Variants in MAML3 observed in about 807,000 individuals in gnomAD.
MAML3 encodes mastermind like transcriptional coactivator 3, also known as mastermind-like protein 3.
Under a neutral mutation model 101.9 loss-of-function variants are expected in MAML3, and 27 were observed. That is an observed-to-expected ratio of 0.27 (90% confidence interval 0.20 to 0.37). The LOEUF is 0.37. MAML3 is among the 10% of genes least tolerant of loss of function. MAML3 has a pLI of 1.00. For synonymous variants in MAML3, 501 were observed against 555.9 expected, an observed-to-expected ratio of 0.90 and a Z score of 1.39; for missense variants, 1,316 against 1,444.9, an observed-to-expected ratio of 0.91 and a Z score of 1.45.
chr4:139,793,985 T>C (rs1181468684), intron 2 of MAML3: 1 of 152,184 alleles, frequency 6.6e-6, no homozygotes, highest in Non-Finnish European at 1.5e-5. Context: ...CCAGAACTCA[T>C]TGTCAGGAAG....
At chr4:139,828,438 CAGAG>C (rs1202609271) in intron 2 of MAML3, among the ~76,000 whole-genome samples, 1 of 152,198 alleles carries the variant, frequency 6.6e-6, no homozygotes, top group African/African-American at 2.4e-5. Flanking sequence ...TCCCTTTAGA[CAGAG>C]AGAGCTAAGT....
At chr4:140,101,489 A>C (rs1040923598) in intron 1 of MAML3, among the ~76,000 whole-genome samples, 19 of 152,210 alleles carry the variant, frequency 1.2e-4, no homozygotes, top group Admixed American at 1.2e-3. Flanking sequence ...TCTATCTGTC[A>C]ACAGATATTG....
intron 2 of MAML3, among the ~76,000 whole-genome samples, chr4:139,885,143 G>A (rs2111191557): frequency 6.6e-6 from 1 of 152,310 alleles, no homozygotes; most frequent in South Asian, 2.1e-4. Context: ...GCTCACGCCT[G>A]TAATCCCAGC....
At chr4:139,855,077 C>T (rs1045833382) in intron 2 of MAML3, among the ~76,000 whole-genome samples, 2 of 152,214 alleles carry the variant, frequency 1.3e-5, no homozygotes, top group African/African-American at 2.4e-5. Flanking sequence ...GGTGGCTCTG[C>T]ATCTTCGGCT....
intron 1 of MAML3, among the ~76,000 whole-genome samples, chr4:140,101,349 C>T (rs907484126): frequency 3.3e-5 from 5 of 152,104 alleles, no homozygotes; most frequent in African/African-American, 9.7e-5. Flanking sequence ...GAATAGAGCT[C>T]CCAAGTCACT....
rs140847228 is a variant in MAML3 at position 140,086,783 on chromosome 4, G to A, written c.468+66077C>T. Among the ~76,000 whole-genome samples, 996 of 152,214 alleles carry A rather than the reference G, an allele frequency of 6.5e-3. 9 individuals carry two copies. Among genetic ancestry groups the A allele is most frequent in the Non-Finnish European group, 8.2e-3 (558 of 68,002 alleles). On this transcript the variant is annotated intron_variant, in intron 1 of 4. Coordinates refer to ENST00000509479, the MANE Select transcript of MAML3 (RefSeq NM_018717.5). Reference sequence around the variant, plus strand: ...AAATTTTCTTTGTTTCTAACCTGTCGTAGGAGTAGAGAAAAAAAAGAGAGA... The same window carrying A: ...AAATTTTCTTTGTTTCTAACCTGTCATAGGAGTAGAGAAAAAAAAGAGAGA...
rs559379701 is a variant in MAML3, at chr4:139,849,196, T to C, written c.2079+40161A>G. On this transcript the variant is annotated intron_variant, in intron 2 of 4. Coordinates refer to ENST00000509479, the MANE Select transcript of MAML3 (RefSeq NM_018717.5). ...TGATCATAGAAAAGGGGAAAAATAA[T>C]GAACAAACATAGGTATTATAGAGAG... is the stretch of plus-strand genomic sequence containing the variant. 2.0e-5 allele frequency among the ~76,000 whole-genome samples: 3 copies of C among 152,286 alleles called. No homozygotes were observed. In the South Asian group the frequency reaches 6.2e-4, roughly 32 times the overall value.
intron 1 of MAML3, among the ~76,000 whole-genome samples, chr4:140,058,541 AATT>A (rs1727391282): frequency 6.8e-6 from 1 of 146,048 alleles, no homozygotes; most frequent in Non-Finnish European, 1.5e-5. Context: ...TATATAATAA[AATT>A]ATATTGTTAG....
At chr4:139,888,130 A>G (rs1732378905) in intron 2 of MAML3, among the ~76,000 whole-genome samples, 1 of 151,884 alleles carries the variant, frequency 6.6e-6, no homozygotes, top group East Asian at 1.9e-4. Context: ...CTGTCTCTGC[A>G]GGCCAGCACC....
At chr4:140,021,155 G>A (rs1369974224) in intron 1 of MAML3, among the ~76,000 whole-genome samples, 2 of 152,180 alleles carry the variant, frequency 1.3e-5, no homozygotes, top group African/African-American at 4.8e-5. Context: ...TGTACCTGCT[G>A]GGACTTACAA....
intron 1 of MAML3, among the ~76,000 whole-genome samples, chr4:139,938,996 C>T (rs1006061480): frequency 2.0e-5 from 3 of 152,260 alleles, no homozygotes; most frequent in African/African-American, 7.2e-5. Context: ...TCCTTCCCCG[C>T]TCTGCGCACT....
intron 2 of MAML3, among the ~76,000 whole-genome samples, chr4:139,803,028 C>T (rs140564148): frequency 1.3e-5 from 2 of 152,232 alleles, no homozygotes; most frequent in African/African-American, 4.8e-5. Flanking sequence ...AAATGTTACC[C>T]CCTCCAATAT....
intron 1 of MAML3, among the ~76,000 whole-genome samples, chr4:140,151,680 C>A (rs928770864): frequency 1.7e-4 from 13 of 75,572 alleles, no homozygotes; most frequent in African/African-American, 5.6e-4. Flanking sequence ...AGCACCCGGG[C>A]GGCGCGGTGC....
At chr4:140,146,894 G>C (rs1729073068) in intron 1 of MAML3, among the ~76,000 whole-genome samples, 1 of 152,066 alleles carries the variant, frequency 6.6e-6, no homozygotes, top group Non-Finnish European at 1.5e-5. Context: ...CCAGCACTTT[G>C]GGAGGCTGAG....
At chr4:139,923,793 C>CT (rs1733173120) in intron 1 of MAML3, among the ~76,000 whole-genome samples, 1 of 151,948 alleles carries the variant, frequency 6.6e-6, no homozygotes, top group South Asian at 2.1e-4. Flanking sequence ...AGTTACTGAC[C>CT]TTATTGTTGG....
intron 1 of MAML3, among the ~76,000 whole-genome samples, chr4:140,148,191 CTAA>C (rs1395324956): frequency 1.3e-5 from 2 of 152,144 alleles, no homozygotes; most frequent in Non-Finnish European, 2.9e-5. Flanking sequence ...CCTTATAATT[CTAA>C]TGAGACAGGA....
chr4:139,972,944 C>G (rs191922480), intron 1 of MAML3, among the ~76,000 whole-genome samples: 16 of 152,270 alleles, frequency 1.1e-4, no homozygotes, highest in Non-Finnish European at 2.2e-4. Context: ...ACCAAAAATA[C>G]CAGGTATTTC....
At position 140,152,764 on chromosome 4, in the gene MAML3, A is replaced by G; in HGVS notation, c.468+96T>C. 5 of 1,520,332 alleles carry G rather than the reference A, an allele frequency of 3.3e-6. No homozygotes were observed. The South Asian group carries it at 6.4e-5, about 20-fold the overall frequency. The allele number at this position is 1,520,332 out of a possible 1,614,324, so 94.2% of individuals were successfully genotyped here. ...GCCCACCTCACCCACCGTGCAAATC[A>G]GACCCTTGTACCCCCATGTAAGAAG... On this transcript the variant is annotated intron_variant, in intron 1 of 4. Coordinates refer to ENST00000509479, the MANE Select transcript of MAML3 (RefSeq NM_018717.5).
chr4:139,995,319 T>C (rs1734786680), intron 1 of MAML3, among the ~76,000 whole-genome samples: 1 of 152,216 alleles, frequency 6.6e-6, no homozygotes, highest in South Asian at 2.1e-4. Flanking sequence ...TAAGGATTTG[T>C]GCATCTATGC....
Sources: gnomAD v4.1 joint callset for allele counts (sites outside exome capture counted in the v4.1 genomes callset) on GRCh38, gnomAD v4.1.1 for gene constraint, MANE v1.5 for transcripts, NCBI Gene and HGNC (gene_info 2026-07-23, HGNC 2026-07-21) for gene names.